Variants in RTF1 observed in about 807,000 individuals in gnomAD.
RTF1 encodes the protein RTF1 homolog, Paf1/RNA polymerase II complex component.
In RTF1, 10 loss-of-function variants were observed where a neutral mutation model predicts 95.7. That is an observed-to-expected ratio of 0.10 (90% CI 0.06 to 0.18). The LOEUF (loss-of-function observed/expected upper bound fraction) is 0.18, where lower values mean the gene tolerates loss of function less well. RTF1 is among the 10% of genes least tolerant of loss of function. The pLI is 1.00. For synonymous variants in RTF1, 305 were observed against 311.8 expected, an observed-to-expected ratio of 0.98 and a Z score of 0.23; for missense variants, 458 against 875.6, an observed-to-expected ratio of 0.52 and a Z score of 6.02.
chr15:41,480,155 C>A, intron 16 of RTF1, 59 bp from the exon 17 acceptor site: 1 of 1,090,976 alleles, frequency 9.2e-7, no homozygotes, highest in Non-Finnish European at 1.4e-6. Flanking sequence ...GTGGCTGCTG[C>A]TGCTTGAAAT....
chr15:41,452,291 C>G (rs910003286), intron 2 of RTF1, among the ~76,000 whole-genome samples: 2 of 151,810 alleles, frequency 1.3e-5, no homozygotes, highest in African/African-American at 4.8e-5. Context: ...CACAGCTTAG[C>G]CGGGTGTGGT....
chr15:41,460,963 G>A (rs923038741), intron 4 of RTF1, among the ~76,000 whole-genome samples: 3 of 148,102 alleles, frequency 2.0e-5, no homozygotes, highest in South Asian at 4.3e-4. Flanking sequence ...TGCAACCTCC[G>A]CCTACCAGGT....
chr15:41,452,424 G>A (rs904434236), intron 2 of RTF1, among the ~76,000 whole-genome samples: 2 of 151,952 alleles, frequency 1.3e-5, no homozygotes, highest in Admixed American at 1.3e-4. Context: ...GTGACAGAGC[G>A]AGACCTTGTC....
chr15:41,477,051 T>C, intron 12 of RTF1, 114 bp from the exon 13 acceptor site: 1 of 1,321,680 alleles, frequency 7.6e-7, no homozygotes. Flanking sequence ...CCACATCTCC[T>C]GTCCTTTGCT....
At chr15:41,446,585 A>G (rs978635541) in intron 2 of RTF1, among the ~76,000 whole-genome samples, 16 of 152,114 alleles carry the variant, frequency 1.1e-4, no homozygotes, top group Non-Finnish European at 1.9e-4. Context: ...TTCATAAAAT[A>G]GTACCTCACA....
intron 2 of RTF1, among the ~76,000 whole-genome samples, chr15:41,452,000 C>T (rs1337507066): frequency 6.6e-6 from 1 of 151,526 alleles, no homozygotes; most frequent in Non-Finnish European, 1.5e-5. Context: ...GAGTTCAAGG[C>T]CAGCCTAGGC....
chr15:41,468,612 C>T (rs1207710298), intron 6 of RTF1, among the ~76,000 whole-genome samples: 6 of 152,214 alleles, frequency 3.9e-5, no homozygotes, highest in South Asian at 2.1e-4. Flanking sequence ...CCACCGCACC[C>T]GGCCTAAAGA....
At chr15:41,478,489 A>C in intron 14 of RTF1, 59 bp from the exon 15 acceptor site, 1 of 1,225,418 alleles carries the variant, frequency 8.2e-7, no homozygotes, top group South Asian at 1.2e-5. Context: ...CTGTGAGCTT[A>C]TGGTGAATGA....
chr15:41,452,149 G>T (rs777181179), intron 2 of RTF1, among the ~76,000 whole-genome samples: 3 of 152,124 alleles, frequency 2.0e-5, no homozygotes, highest in Non-Finnish European at 4.4e-5. Flanking sequence ...AAAAATCTAG[G>T]CTGGGGCCAG....
chr15:41,449,856 T>C (rs2050781515), intron 2 of RTF1, among the ~76,000 whole-genome samples: 1 of 152,004 alleles, frequency 6.6e-6, no homozygotes. Context: ...AGGCCTAATA[T>C]AATGAACATT....
At chr15:41,451,228 C>T (rs7177641) in intron 2 of RTF1, among the ~76,000 whole-genome samples, 52,042 of 151,868 alleles carry the variant, frequency 0.34, 9,069 homozygotes, top group African/African-American at 0.4. Flanking sequence ...AGAAATATTA[C>T]GTTAATACCA....
chr15:41,428,809 C>T lies in RTF1; in HGVS notation c.199-9512C>T, dbSNP rs2050653064. On this transcript the variant is annotated intron_variant, in intron 1 of 17. Transcript: ENST00000389629. ...CTGGAGTGCAGTGGTGTGATCTCAGCTCACTGCAACCTCTCTGCCTCCTGG... is the reference window on the plus strand; with the variant it reads ...CTGGAGTGCAGTGGTGTGATCTCAGTTCACTGCAACCTCTCTGCCTCCTGG... 5.3e-5 allele frequency among the ~76,000 whole-genome samples: 8 copies of T among 152,108 alleles called. No homozygotes were observed. In the South Asian group the frequency reaches 1.7e-3, roughly 32 times the overall value.
At chr15:41,420,097 A>G (rs549259982) in intron 1 of RTF1, among the ~76,000 whole-genome samples, 3 of 152,194 alleles carry the variant, frequency 2.0e-5, no homozygotes, top group Non-Finnish European at 4.4e-5. Context: ...CTGGGATTAC[A>G]GGCATGAGCC....
intron 8 of RTF1, among the ~76,000 whole-genome samples, chr15:41,473,772 C>A (rs919521813): frequency 6.6e-6 from 1 of 151,594 alleles, no homozygotes; most frequent in East Asian, 1.9e-4. Context: ...CGGCTGGGCG[C>A]AGTGGCTCAC....
Position 41,446,806 on chromosome 15 carries a change from T to TA in RTF1, c.310-6095_310-6094insA, listed in dbSNP as rs199990975. Among the ~76,000 whole-genome samples, 558 of 150,392 alleles carry TA rather than the reference T, an allele frequency of 3.7e-3. 3 individuals are homozygous for TA. The highest frequency in any genetic ancestry group is 6.9e-3 in the Middle Eastern group (2 of 290). On this transcript the variant is annotated intron_variant, in intron 2 of 17. Transcript: ENST00000389629. ...GTTTGTCACTAGCCCAGCTGTTATT[T>TA]TTTTTTTTTTTTTTGAGACGGAGTC...
At chr15:41,474,493 G>A (rs937960245) in intron 8 of RTF1, 127 bp from the exon 9 acceptor site, 14 of 701,946 alleles carry the variant, frequency 2.0e-5, no homozygotes, top group African/African-American at 1.4e-4. Flanking sequence ...AGAACCCCTG[G>A]CAGCTGTGGA....
intron 4 of RTF1, among the ~76,000 whole-genome samples, chr15:41,458,159 G>A (rs775992289): frequency 4.6e-5 from 7 of 152,280 alleles, no homozygotes; most frequent in Admixed American, 4.6e-4. Flanking sequence ...TGTGAAGTTG[G>A]TTATACCATA....
At chr15:41,420,087 C>A (rs1007132192) in intron 1 of RTF1, among the ~76,000 whole-genome samples, 1 of 152,260 alleles carries the variant, frequency 6.6e-6, no homozygotes. Context: ...TCCCAAAGTG[C>A]TGGGATTACA....
At chr15:41,467,263 T>C (rs1566847041) in intron 6 of RTF1, among the ~76,000 whole-genome samples, 2 of 152,036 alleles carry the variant, frequency 1.3e-5, no homozygotes, top group Non-Finnish European at 2.9e-5. Flanking sequence ...CGAGCACTTT[T>C]ATATGGTGAT....
Sources: allele counts gnomAD v4.1 joint callset (sites outside exome capture counted in the v4.1 genomes callset), GRCh38; gene constraint gnomAD v4.1.1; transcripts MANE v1.5; gene names NCBI Gene and HGNC (gene_info 2026-07-23, HGNC 2026-07-21).